Variants in GPR153 observed in about 807,000 individuals in gnomAD.
GPR153 encodes the protein G protein-coupled receptor 153, also known as probable G protein-coupled receptor 153.
In GPR153, 27 loss-of-function variants were observed where a neutral mutation model predicts 34.1. The ratio of observed to expected loss-of-function variants is 0.79; its 90% CI spans 0.58 to 1.09. The LOEUF (loss-of-function observed/expected upper bound fraction) is 1.09, where lower values mean the gene tolerates loss of function less well. Ranked by LOEUF, GPR153 falls within the 50% of genes least tolerant of loss-of-function variation. The pLI is 0.00. For missense variants in GPR153, 848 were observed against 860.2 expected, an observed-to-expected ratio of 0.99 and a Z score of 0.18; for synonymous variants, 408 against 405.4, an observed-to-expected ratio of 1.01 and a Z score of -0.08.
chr1:6,253,100 C>T (rs908570380), intron 3 of GPR153, among the ~76,000 whole-genome samples: 5 of 152,156 alleles, frequency 3.3e-5, no homozygotes, highest in Admixed American at 2.0e-4. Context: ...CTGCATCAAA[C>T]GGCCCTTGAG....
Position 6,249,923 on chromosome 1 carries a change from C to T in GPR153, c.1245G>A (p.Trp415Ter). 1 of 1,286,094 alleles carries T rather than the reference C, an allele frequency of 7.8e-7. No individual in the cohort carries two copies. The highest frequency in any genetic ancestry group is 3.1e-5 in the East Asian group (1 of 32,030). 79.7% of individuals were successfully genotyped at this position (1,286,094 alleles called of 1,614,324 possible). The stretch of plus-strand genomic sequence containing the variant: ...GGGCGGCCAGGTCCTCGCCGGAGCC[C>T]CAGCGCGGCAGGAAGGCGGGCAGCG... ...AVPLPAFLPR[W>*]GSGEDLAALA... Residue 415 changes from tryptophan to a stop codon, truncating the protein, a stop_gained, in exon 6 of 6, where the codon TGG becomes TGA. Coordinates refer to ENST00000377893, the MANE Select transcript of GPR153 (RefSeq NM_207370.4). LOFTEE classifies it low-confidence loss of function (END_TRUNC). This position sits in a 1 kb window ranked among gnomAD's most constrained non-coding sequence, Gnocchi z 4.3.
Position 6,251,438 on chromosome 1 carries a change from C to A in GPR153, c.879G>T (p.Leu293=). ...LWCSVAQALL[L]PVFLWACDRY... ...GGTCGCAGGCCCAGAGGAACACAGG[C>A]AGCAGCAGGGCCTGGGCCACGGAGC... The change falls in exon 4 of 6, where the codon CTG becomes CTT. Residue 293 remains leucine, a synonymous_variant. Coordinates refer to ENST00000377893, the MANE Select transcript of GPR153 (RefSeq NM_207370.4). The surrounding 1 kb of genome is among the most constrained non-coding windows in gnomAD (Gnocchi z 4.9). The A allele has an allele frequency of 1.2e-6, 2 of 1,613,494 alleles. No individual in the cohort carries two copies. The highest frequency in any genetic ancestry group is 2.7e-5 in the African/African-American group (2 of 75,064).
rs377668413 is a variant in GPR153 at position 6,253,744 on chromosome 1, C to T, written c.760G>A (p.Asp254Asn). 39 of 1,527,614 alleles carry T rather than the reference C, an allele frequency of 2.6e-5. No individual in the cohort carries two copies. Among genetic ancestry groups the T allele is most frequent in the Non-Finnish European group, 3.3e-5 (37 of 1,137,372 alleles). 94.6% of individuals were successfully genotyped at this position (1,527,614 alleles called of 1,614,324 possible). Residue 254 changes from aspartate (D) to asparagine (N), a missense_variant, in exon 3 of 6, where the codon GAC (aspartate) becomes AAC (asparagine). Transcript: ENST00000377893. ...AGCACAGGGAAGCCCATGAGGCAGT[C>T]GTAGATGAAGACTATGGTGGTCACG... ...GLVTTIVFIY[D>N]CLMGFPVLVV...
intron 2 of GPR153, 142 bp from the exon 3 acceptor site, chr1:6,254,289 A>G (rs6696630): frequency 0.75 from 594,317 of 792,176 alleles, 224,435 homozygotes; most frequent in African/African-American, 0.83. Context: ...CCAGTGTGGC[A>G]GGGCCTTGTT....
chr1:6,255,411 C>A (rs1638544995), intron 1 of GPR153, among the ~76,000 whole-genome samples: 2 of 151,812 alleles, frequency 1.3e-5, no homozygotes, highest in Non-Finnish European at 2.9e-5. Context: ...GTTGGCCAGG[C>A]TGGTCTCGAT....
rs1638665251 is a variant in GPR153 at position 6,260,891 on chromosome 1, G to A, written c.-176C>T. The A allele has an allele frequency of 6.7e-6, 1 of 149,142 alleles. No homozygotes were observed. Among genetic ancestry groups the A allele is most frequent in the African/African-American group, 2.4e-5 (1 of 41,052 alleles). The allele number at this position is 149,142 out of a possible 1,614,324, so 9.2% of individuals were successfully genotyped here. A position where few individuals can be genotyped will look rare whatever the true frequency, so the allele number is the denominator to read the frequency against. ...CTCCGGCTCCGGCTGCGGTTCCCGCGCCCCCGGGCCGAGCGCAGGCCGCCG... is the reference window on the plus strand; with the variant it reads ...CTCCGGCTCCGGCTGCGGTTCCCGCACCCCCGGGCCGAGCGCAGGCCGCCG... On this transcript the variant is annotated 5_prime_UTR_variant, in exon 1 of 6. Transcript: ENST00000377893.
chr1:6,250,985 G>A (rs1006566066), intron 4 of GPR153, among the ~76,000 whole-genome samples: 2 of 152,156 alleles, frequency 1.3e-5, no homozygotes, highest in African/African-American at 2.4e-5. Flanking sequence ...TATCCAGACA[G>A]GACCTCGGTC....
At chr1:6,252,418 T>A (rs2281260) in intron 3 of GPR153, among the ~76,000 whole-genome samples, 6 of 151,928 alleles carry the variant, frequency 3.9e-5, no homozygotes, top group Non-Finnish European at 5.9e-5. Flanking sequence ...TCCCCACCAC[T>A]GCCCCCACTC....
rs1638348486 is a variant in GPR153 at position 6,248,393 on chromosome 1, TCCG to T, written c.*942_*944del. The T allele has an allele frequency of 6.6e-6, 1 of 151,512 alleles. No individual in the cohort carries two copies. The highest frequency in any genetic ancestry group is 2.4e-5 in the African/African-American group (1 of 41,102). The allele number at this position is 151,512 out of a possible 1,614,324, so 9.4% of individuals were successfully genotyped here. ...GCCAGGCCCTGCTGCCCTCGTGCTC[TCCG>T]CTTGCACCTGCCAGCGTCATGGTGG... On this transcript the variant is annotated 3_prime_UTR_variant, in exon 6 of 6. Transcript: ENST00000377893.
intron 3 of GPR153, among the ~76,000 whole-genome samples, chr1:6,252,068 C>G (rs1279614985): frequency 6.6e-6 from 1 of 152,200 alleles, no homozygotes; most frequent in Non-Finnish European, 1.5e-5. Flanking sequence ...CAGCCCTACC[C>G]CTGCTTTTGG....
At chr1:6,254,309 G>GGA (rs1638516183) in intron 2 of GPR153, among the ~76,000 whole-genome samples, 162 bp from the exon 3 acceptor site, 1 of 152,156 alleles carries the variant, frequency 6.6e-6, no homozygotes, top group African/African-American at 2.4e-5. Context: ...TCCTTGCATA[G>GGA]GAGATACTGT....
At chr1:6,255,642 G>GTT (rs59403526) in intron 1 of GPR153, among the ~76,000 whole-genome samples, 18,110 of 38,804 alleles carry the variant, frequency 0.47, 7,466 homozygotes, top group Non-Finnish European at 0.6. Flanking sequence ...GCCTGGCTAC[G>GTT]TTTTTTTTTT....
chr1:6,250,633 T>TG lies in GPR153; in HGVS notation c.980-10dup, dbSNP rs1638425981. On this transcript the variant is annotated splice_polypyrimidine_tract_variant and intron_variant, in intron 4 of 5. Transcript: ENST00000377893. ...ACCTTCCAGGCTGGTCTCTGTAGGG[T>TG]GGGGGGTGGGTGGGGGGGCAGAGCC... 1 of 74,726 alleles carries TG rather than the reference T, an allele frequency of 1.3e-5. No homozygotes were observed. The highest frequency in any genetic ancestry group is 8.2e-5 in the African/African-American group (1 of 12,238). The allele number at this position is 74,726 out of a possible 1,614,324, so 4.6% of individuals were successfully genotyped here.
In GPR153 at chr1:6,254,694, C is replaced by T. The variant is rs764596477; in HGVS notation, c.212G>A (p.Arg71Gln). ...IATYSVVQLRRQRPDFEWNEG... is the reference protein window; with the variant it reads ...IATYSVVQLRQQRPDFEWNEG... Reference sequence around the variant, plus strand: ...ATTCCACTCGAAGTCGGGGCGCTGCCGCCGCAGCTGCACCACGGAGTAGGT... The same window carrying T: ...ATTCCACTCGAAGTCGGGGCGCTGCTGCCGCAGCTGCACCACGGAGTAGGT... The change falls in exon 2 of 6, where the codon CGG becomes CAG. Residue 71 changes from arginine (R) to glutamine (Q), a missense_variant. Transcript: ENST00000377893. The T allele has an allele frequency of 1.9e-5, 30 of 1,613,762 alleles. No homozygotes were observed. The highest frequency in any genetic ancestry group is 1.0e-4 in the Admixed American group (6 of 59,982).
intron 1 of GPR153, among the ~76,000 whole-genome samples, chr1:6,256,077 G>A (rs929873066): frequency 1.2e-4 from 18 of 152,328 alleles, no homozygotes; most frequent in African/African-American, 4.3e-4. Context: ...TTACAGGCGT[G>A]AGCCATAGTG....
chr1:6,254,251 C>G (rs918730612), intron 2 of GPR153, 104 bp from the exon 3 acceptor site: 15 of 1,057,806 alleles, frequency 1.4e-5, no homozygotes, highest in African/African-American at 6.4e-5. Flanking sequence ...GCACCCCACA[C>G]CCCCAGTATA....
At position 6,251,031 on chromosome 1, in the gene GPR153, T is replaced by C. The variant is rs1571238000; in HGVS notation, c.979+307A>G. Among the ~76,000 whole-genome samples, 2 of 152,056 alleles carry C rather than the reference T, an allele frequency of 1.3e-5. No homozygotes were observed. The highest frequency in any genetic ancestry group is 2.1e-4 in the South Asian group (1 of 4,818). ...CCCAGGGCAGCTTGCTGGGGATCCC[T>C]GAGGTTGGGGGGTGAGCCCAGGAGC... On this transcript the variant is annotated intron_variant, in intron 4 of 5. Coordinates refer to ENST00000377893, the MANE Select transcript of GPR153 (RefSeq NM_207370.4). The surrounding 1 kb of genome is among the most constrained non-coding windows in gnomAD (Gnocchi z 4.9).
Position 6,253,861 on chromosome 1 carries a change from G to C in GPR153, c.643C>G (p.Pro215Ala). The C allele has an allele frequency of 6.2e-7, 1 of 1,606,716 alleles. No homozygotes were observed. The highest frequency in any genetic ancestry group is 8.5e-7 in the Non-Finnish European group (1 of 1,175,078). ...RQADRRAFTV[P>A]TIVVEDAQGK... is the part of the protein sequence containing the mutation. ...TGCGCGTCCTCCACCACGATGGTGG[G>C]CACGGTGAAGGCGCGGCGGTCGGCC... The change falls in exon 3 of 6, where the codon CCC (proline) becomes GCC (alanine). Residue 215 changes from proline to alanine, a missense_variant. Coordinates refer to ENST00000377893, the MANE Select transcript of GPR153 (RefSeq NM_207370.4).
intron 2 of GPR153, 65 bp downstream of exon 2, chr1:6,254,485 C>T: frequency 7.2e-7 from 1 of 1,385,728 alleles, no homozygotes. Context: ...CATGGGCACA[C>T]CAGATATGTC....
Sources: allele counts gnomAD v4.1 joint callset (sites outside exome capture counted in the v4.1 genomes callset), GRCh38; gene constraint gnomAD v4.1.1; non-coding constraint Gnocchi (gnomAD v3.1); transcripts MANE v1.5; gene names NCBI Gene and HGNC (gene_info 2026-07-23, HGNC 2026-07-21).